The following ZNF705G variants were observed in gnomAD, a reference collection of about 807,000 sequenced individuals.
ZNF705G encodes the protein putative zinc finger protein 705G.
A neutral mutation model predicts 19.6 loss-of-function variants in ZNF705G; 23 were observed. The ratio of observed to expected loss-of-function variants is 1.17; its 90% confidence interval spans 0.84 to 1.66. The LOEUF (loss-of-function observed/expected upper bound fraction) is 1.66. ZNF705G is among the 40% of genes most tolerant of loss of function. ZNF705G has a pLI of 0.00. For synonymous variants in ZNF705G, 146 were observed against 117.7 expected, an observed-to-expected ratio of 1.24 and a Z score of -1.56; for missense variants, 457 against 354.4, an observed-to-expected ratio of 1.29 and a Z score of -2.32.
At position 7,357,768 on chromosome 8, in the gene ZNF705G, T is replaced by C. The variant is rs1806341375; in HGVS notation, c.*208A>G. On this transcript the variant is annotated 3_prime_UTR_variant, in exon 7 of 7. Coordinates refer to ENST00000400156, the MANE Select transcript of ZNF705G (RefSeq NM_001164457.3). ...TGAGTCCTTTGGCATGTTTAGATGC[T>C]ACAACTACAGCTGAAGTCTCTTCCA... 6 of 858,188 alleles carry C rather than the reference T, an allele frequency of 7.0e-6. No homozygotes were observed. In the South Asian group the frequency reaches 1.1e-4, roughly 16 times the overall value. 53.2% of individuals were successfully genotyped at this position (858,188 alleles called of 1,614,324 possible).
rs190741496 is a variant in ZNF705G, at chr8:7,364,023, G to C, written c.-71-1006C>G. On this transcript the variant is annotated intron_variant, in intron 2 of 6. Coordinates refer to ENST00000400156, the MANE Select transcript of ZNF705G (RefSeq NM_001164457.3). ...GCTCAGAAAATACAAAATGACTTAG[G>C]AGAGGGAGAAATTTAGCAGCTCAAT... Among the ~76,000 whole-genome samples the C allele has an allele frequency of 4.0e-5, 6 of 149,542 alleles. 1 individual carries two copies. The highest frequency in any genetic ancestry group is 1.5e-4 in the African/African-American group (6 of 39,034).
chr8:7,369,821 G>T (rs539715059), intron 2 of ZNF705G, among the ~76,000 whole-genome samples: 1 of 149,322 alleles, frequency 6.7e-6, no homozygotes, highest in South Asian at 2.1e-4. Flanking sequence ...TTAGTTATAA[G>T]TGAGAACAAA....
intron 2 of ZNF705G, among the ~76,000 whole-genome samples, chr8:7,368,223 G>A (rs1489368434): frequency 2.7e-5 from 4 of 149,584 alleles, no homozygotes; most frequent in East Asian, 1.9e-4. Context: ...GGATTTTTGA[G>A]ACTACTACTA....
chr8:7,374,787 A>G (rs1186658381), intron 2 of ZNF705G, among the ~76,000 whole-genome samples: 1 of 83,474 alleles, frequency 1.2e-5, no homozygotes, highest in African/African-American at 5.7e-5. Context: ...CCATCAGCTT[A>G]TTTCCTCAAC....
intron 5 of ZNF705G, 79 bp downstream of exon 5, chr8:7,360,158 A>T: frequency 6.9e-7 from 1 of 1,451,234 alleles, no homozygotes. Flanking sequence ...ATTTAATAAA[A>T]CCACTAATTA....
chr8:7,383,080 TG>T (rs1450491463), intron 1 of ZNF705G, among the ~76,000 whole-genome samples: 1 of 148,964 alleles, frequency 6.7e-6, no homozygotes, highest in Non-Finnish European at 1.5e-5. Flanking sequence ...GAAGAAATTC[TG>T]TAAATGGAAA....
chr8:7,380,495 T>G (rs1807440199), intron 2 of ZNF705G, among the ~76,000 whole-genome samples: 1 of 147,450 alleles, frequency 6.8e-6, no homozygotes, highest in South Asian at 2.1e-4. Context: ...CCTGAGAGCT[T>G]AAGGATAGGA....
chr8:7,369,293 A>C (rs1806993852), intron 2 of ZNF705G, among the ~76,000 whole-genome samples: 1 of 149,544 alleles, frequency 6.7e-6, no homozygotes, highest in African/African-American at 2.6e-5. Context: ...ATGTATGGGA[A>C]AGCCTGTATG....
rs1235992325 is a variant in ZNF705G at position 7,374,299 on chromosome 8, C to T, written c.-72+7153G>A. Among the ~76,000 whole-genome samples the T allele has an allele frequency of 4.2e-4, 2 of 4,756 alleles. 1 individual carries two copies. The highest frequency in any genetic ancestry group is 2.7e-3 in the African/African-American group (2 of 728). The allele number at this position is 4,756 out of a possible 152,430, so 3.1% of individuals were successfully genotyped here. A position where few individuals can be genotyped will look rare whatever the true frequency, so the allele number is the denominator to read the frequency against. On this transcript the variant is annotated intron_variant, in intron 2 of 6. Coordinates refer to ENST00000400156, the MANE Select transcript of ZNF705G (RefSeq NM_001164457.3). ...GTTAAATAGTCATCCTGGCTAAATA[C>T]ATGGGTTTGATTTTTTTAATCAGTT...
chr8:7,362,555 T>C (rs1806651373), intron 3 of ZNF705G, among the ~76,000 whole-genome samples: 1 of 149,630 alleles, frequency 6.7e-6, no homozygotes, highest in Non-Finnish European at 1.5e-5. Flanking sequence ...GTATAGTTAA[T>C]GGGTCAATTA....
At chr8:7,376,276 A>G (rs1585425338) in intron 2 of ZNF705G, among the ~76,000 whole-genome samples, 1 of 91,212 alleles carries the variant, frequency 1.1e-5, no homozygotes, top group East Asian at 3.6e-4. Context: ...GAAAAGTTAA[A>G]TGGAATCTAA....
chr8:7,361,351 G>A (rs1417518388), intron 3 of ZNF705G, 115 bp from the exon 4 acceptor site: 2 of 1,551,600 alleles, frequency 1.3e-6, no homozygotes, highest in South Asian at 1.2e-5. Flanking sequence ...AGTGTTTTGG[G>A]TTCCAGCCAG....
chr8:7,358,722 C>T (rs1419987457), intron 6 of ZNF705G, among the ~76,000 whole-genome samples, 162 bp from the exon 7 acceptor site: 1 of 149,468 alleles, frequency 6.7e-6, no homozygotes, highest in African/African-American at 2.6e-5. Flanking sequence ...GGACCCCAAA[C>T]TCATTTAACC....
intron 2 of ZNF705G, among the ~76,000 whole-genome samples, chr8:7,378,203 G>A (rs1275690427): frequency 7.2e-6 from 1 of 139,110 alleles, no homozygotes; most frequent in Non-Finnish European, 1.5e-5. Flanking sequence ...CCTTGCGGGG[G>A]TCTGTCTCTC....
At chr8:7,383,264 C>T (rs1394997411) in intron 1 of ZNF705G, among the ~76,000 whole-genome samples, 2 of 147,530 alleles carry the variant, frequency 1.4e-5, no homozygotes, top group Admixed American at 6.6e-5. Flanking sequence ...TAGTGCAATG[C>T]ATTTTTATGG....
Position 7,355,791 on chromosome 8 carries a change from G to A in ZNF705G, c.*2185C>T, listed in dbSNP as rs1008209845. The A allele has an allele frequency of 6.7e-6, 1 of 149,504 alleles. No homozygotes were observed. The highest frequency in any genetic ancestry group is 2.6e-5 in the African/African-American group (1 of 38,918). 9.3% of individuals were successfully genotyped at this position (149,504 alleles called of 1,614,324 possible). On this transcript the variant is annotated 3_prime_UTR_variant, in exon 7 of 7. Coordinates refer to ENST00000400156, the MANE Select transcript of ZNF705G (RefSeq NM_001164457.3). ...GGTAAATTACATATTTAATTAAATAGATTAAACAATAAATAATGATATGAG... is the reference window on the plus strand; with the variant it reads ...GGTAAATTACATATTTAATTAAATAAATTAAACAATAAATAATGATATGAG...
Position 7,358,239 on chromosome 8 carries a change from G to A in ZNF705G, c.640C>T (p.His214Tyr), listed in dbSNP as rs867575943. The A allele has an allele frequency of 6.2e-7, 1 of 1,607,600 alleles. No individual in the cohort carries two copies. The highest frequency in any genetic ancestry group is 8.5e-7 in the Non-Finnish European group (1 of 1,179,610). ...LCRKAFTQCS[H>Y]LRRHEKTHTG... ...TGAGTTTTCTCGTGTCTTCTAAGGTGAGAACACTGAGTGAAGGCTTTTCTA... is the reference window on the plus strand; with the variant it reads ...TGAGTTTTCTCGTGTCTTCTAAGGTAAGAACACTGAGTGAAGGCTTTTCTA... Residue 214 changes from histidine to tyrosine, a missense_variant, in exon 7 of 7, where the codon CAC (histidine) becomes TAC (tyrosine). His to Tyr is a moderately conservative substitution (Grantham distance 83). Transcript: ENST00000400156.
At chr8:7,366,619 T>G (rs921681993) in intron 2 of ZNF705G, among the ~76,000 whole-genome samples, 2 of 149,636 alleles carry the variant, frequency 1.3e-5, no homozygotes, top group African/African-American at 5.1e-5. Context: ...ACCAATACAA[T>G]AAAGCTAAAA....
At position 7,383,892 on chromosome 8, in the gene ZNF705G, C is replaced by T. The variant is rs560463351; in HGVS notation, c.-222+1606G>A. Among the ~76,000 whole-genome samples the T allele has an allele frequency of 1.5e-3, 212 of 143,240 alleles. 1 individual carries two copies. Among genetic ancestry groups the T allele is most frequent in the Non-Finnish European group, 2.2e-3 (146 of 67,502 alleles). The allele number at this position is 143,240 out of a possible 152,430, so 94.0% of individuals were successfully genotyped here. A position where few individuals can be genotyped will look rare whatever the true frequency, so the allele number is the denominator to read the frequency against. ...CCCTGTTTATATTACTTTTTAATAGCATCCCAAATGGACTAAGGCAGGAAG... is the reference window on the plus strand; with the variant it reads ...CCCTGTTTATATTACTTTTTAATAGTATCCCAAATGGACTAAGGCAGGAAG... On this transcript the variant is annotated intron_variant, in intron 1 of 6. Coordinates refer to ENST00000400156, the MANE Select transcript of ZNF705G (RefSeq NM_001164457.3).
Sources: allele counts gnomAD v4.1 joint callset (sites outside exome capture counted in the v4.1 genomes callset), GRCh38; gene constraint gnomAD v4.1.1; transcripts MANE v1.5; gene names NCBI Gene and HGNC (gene_info 2026-07-23, HGNC 2026-07-21).